Variants in RTL4 observed in about 807,000 individuals in gnomAD.
RTL4 encodes retrotransposon Gag-like protein 4.
In RTL4, 4 loss-of-function variants were observed where a neutral mutation model predicts 5.3. The observed-to-expected ratio is 0.75, with a 90% CI of 0.37 to 1.72. The LOEUF is 1.72. Ranked by LOEUF, RTL4 falls within the 40% of genes most tolerant of loss-of-function variation. The pLI is 0.04. For missense variants in RTL4, 260 were observed against 227.1 expected (o/e 1.14, Z -0.93); for synonymous variants, 98 against 87.3 (o/e 1.12, Z -0.68).
chrX:112,120,499 A>C, the RTL4 span, among the ~76,000 whole-genome samples: 1 of 109,059 alleles, frequency 9.2e-6, no homozygotes, highest in Non-Finnish European at 1.9e-5. Flanking sequence ...GATAGTCTCG[A>C]TCTCCTGACC....
chrX:112,126,857 A>G, the RTL4 span, among the ~76,000 whole-genome samples: 1 of 112,135 alleles, frequency 8.9e-6, no homozygotes, highest in African/African-American at 3.2e-5. Flanking sequence ...TTCTGACTCA[A>G]AAAGAAATAG....
chrX:112,405,957 G>C, the RTL4 span, among the ~76,000 whole-genome samples: 2 of 110,699 alleles, frequency 1.8e-5, no homozygotes, highest in Admixed American at 1.9e-4. Context: ...ATTGAACTCA[G>C]TGCTCTCCTG....
chrX:112,160,285 TA>T, the RTL4 span, among the ~76,000 whole-genome samples: 1 of 111,813 alleles, frequency 8.9e-6, no homozygotes, highest in Non-Finnish European at 1.9e-5. Context: ...AGATATGTGT[TA>T]AGAGGTTTGA....
the RTL4 span, among the ~76,000 whole-genome samples, chrX:112,294,374 A>G: frequency 1.8e-5 from 2 of 111,540 alleles, no homozygotes; most frequent in African/African-American, 6.5e-5. Flanking sequence ...ATGCAGGCAG[A>G]TCATTTGAGG....
the RTL4 span, chrX:112,381,383 G>C: frequency 1.7e-6 from 2 of 1,205,624 alleles, no homozygotes; most frequent in African/African-American, 1.8e-5. Context: ...AGAAAAGATA[G>C]TGGCGGAAAT....
the RTL4 span, among the ~76,000 whole-genome samples, chrX:112,333,812 C>T: frequency 2.7e-5 from 3 of 111,649 alleles, no homozygotes; most frequent in African/African-American, 9.8e-5. Context: ...TTTAATTACA[C>T]TCTTTAAGTT....
chrX:112,229,805 G>A, the RTL4 span, among the ~76,000 whole-genome samples: 1 of 112,128 alleles, frequency 8.9e-6, no homozygotes, highest in African/African-American at 3.2e-5. Flanking sequence ...TCCAGACCCT[G>A]TTTGCCTGGG....
the RTL4 span, among the ~76,000 whole-genome samples, chrX:112,177,383 G>A: frequency 2.7e-5 from 3 of 111,049 alleles, no homozygotes; most frequent in Non-Finnish European, 5.7e-5. Flanking sequence ...CTGGGGTGAG[G>A]TCATACCCCA....
chrX:112,348,953 TA>T, the RTL4 span, among the ~76,000 whole-genome samples: 1 of 110,404 alleles, frequency 9.1e-6, no homozygotes, highest in African/African-American at 3.3e-5. Flanking sequence ...GAACTTTAAA[TA>T]TAATATTTAC....
the RTL4 span, among the ~76,000 whole-genome samples, chrX:112,125,705 T>C: frequency 3.6e-5 from 4 of 111,604 alleles, no homozygotes; most frequent in Non-Finnish European, 5.6e-5. Flanking sequence ...ATAAAGGAGA[T>C]AGGGAAAAAC....
At chrX:112,174,289 T>A in the RTL4 span, among the ~76,000 whole-genome samples, 27 of 90,793 alleles carry the variant, frequency 3.0e-4, no homozygotes, top group Middle Eastern at 0.011. Flanking sequence ...TGTCCATGTG[T>A]TCTCATTGTT....
At chrX:112,352,452 A>G in the RTL4 span, among the ~76,000 whole-genome samples, 1 of 111,857 alleles carries the variant, frequency 8.9e-6, no homozygotes, top group African/African-American at 3.2e-5. Flanking sequence ...TACAGTAACC[A>G]AAACAGGATG....
At chrX:112,248,316 T>A in the RTL4 span, among the ~76,000 whole-genome samples, 1 of 112,563 alleles carries the variant, frequency 8.9e-6, no homozygotes, top group South Asian at 3.7e-4. Flanking sequence ...GAAAATTTGT[T>A]GAGCAAATAA....
chrX:112,370,441 T>G, the RTL4 span, among the ~76,000 whole-genome samples: 1 of 112,117 alleles, frequency 8.9e-6, no homozygotes, highest in Non-Finnish European at 1.9e-5. Flanking sequence ...TATTTATCAT[T>G]TCCTCCAGGC....
chrX:112,422,339 C>T, the RTL4 span, among the ~76,000 whole-genome samples: 3 of 111,478 alleles, frequency 2.7e-5, no homozygotes, highest in African/African-American at 9.8e-5. Flanking sequence ...TGCAGCACTG[C>T]AGATGGCCAC....
At chrX:112,353,999 G>T in the RTL4 span, among the ~76,000 whole-genome samples, 10 of 111,110 alleles carry the variant, frequency 9.0e-5, no homozygotes, top group South Asian at 3.8e-4. Flanking sequence ...TACTACCTTT[G>T]CAGCTTTTGT....
At chrX:112,335,331 A>G in the RTL4 span, among the ~76,000 whole-genome samples, 1 of 111,060 alleles carries the variant, frequency 9.0e-6, no homozygotes, top group Non-Finnish European at 1.9e-5. Context: ...TTTTTTCCTA[A>G]AACAGAAACA....
the RTL4 span, among the ~76,000 whole-genome samples, chrX:112,170,408 T>G: frequency 1.8e-5 from 2 of 112,345 alleles, no homozygotes; most frequent in Non-Finnish European, 3.8e-5. Flanking sequence ...CACTTGTTTG[T>G]GTCCTCTCTG....
chrX:112,147,402 C>T, the RTL4 span, among the ~76,000 whole-genome samples: 1 of 110,922 alleles, frequency 9.0e-6, no homozygotes, highest in Admixed American at 9.6e-5. Flanking sequence ...TACCCCCTCC[C>T]CCTTGTGACC....
Sources: allele counts gnomAD v4.1 joint callset (sites outside exome capture counted in the v4.1 genomes callset), GRCh38; gene constraint gnomAD v4.1.1; transcripts MANE v1.5; gene names NCBI Gene and HGNC (gene_info 2026-07-23, HGNC 2026-07-21).